Variants in HHIP observed in about 807,000 individuals in gnomAD.
HHIP encodes hedgehog interacting protein.
HHIP carries 12 observed loss-of-function variants against 74.0 expected under a neutral mutation model. The ratio of observed to expected loss-of-function variants is 0.16; its 90% confidence interval spans 0.10 to 0.26. The LOEUF (loss-of-function observed/expected upper bound fraction) is 0.26, where lower values mean the gene tolerates loss of function less well. Among genes scored for constraint, HHIP ranks in the 10% least tolerant of loss-of-function variants. The probability of loss-of-function intolerance (pLI) is 1.00; values close to 1 mark genes in which losing one functional copy is unlikely to be tolerated. For missense variants in HHIP, 788 were observed against 845.0 expected (o/e 0.93, Z 0.84); for synonymous variants, 309 against 311.6 (o/e 0.99, Z 0.09).
chr4:144,700,804 T>TA (rs1351730648), intron 4 of HHIP, among the ~76,000 whole-genome samples: 4 of 152,210 alleles, frequency 2.6e-5, no homozygotes, highest in African/African-American at 9.6e-5. Flanking sequence ...CAAATTAAGA[T>TA]AAAAAATTTA....
intron 1 of HHIP, among the ~76,000 whole-genome samples, chr4:144,647,814 G>A (rs569227960): frequency 1.3e-5 from 2 of 152,212 alleles, no homozygotes; most frequent in Admixed American, 6.5e-5. Context: ...ATCATTGCTG[G>A]CTCACATCAT....
Position 144,707,237 on chromosome 4 carries a change from T to C in HHIP, c.1134T>C (p.Asp378=), listed in dbSNP as rs747100737. 32 of 1,612,126 alleles carry C rather than the reference T, an allele frequency of 2.0e-5. 1 individual carries two copies. The highest frequency in any genetic ancestry group is 4.4e-5 in the South Asian group (4 of 90,652). The part of the protein sequence containing the change: ...ILGDGMITLD[D]MEEMDGLSDF... ...GTGATGGGATGATTACACTGGATGA[T>C]ATGGAAGAAATGGATGGGTTAAGGT... Residue 378 remains aspartate (D), a synonymous_variant, in exon 6 of 13, where the codon GAT becomes GAC. Transcript: ENST00000296575.
chr4:144,727,513 A>G (rs1248151087), intron 11 of HHIP, among the ~76,000 whole-genome samples: 2 of 152,120 alleles, frequency 1.3e-5, no homozygotes, highest in African/African-American at 2.4e-5. Flanking sequence ...CTATTTTTCT[A>G]TATTCACTGC....
intron 4 of HHIP, among the ~76,000 whole-genome samples, chr4:144,666,248 CGTGT>C (rs5862718): frequency 0.043 from 6,194 of 143,274 alleles, 249 homozygotes; most frequent in African/African-American, 0.1. Flanking sequence ...ATACTACAGT[CGTGT>C]GTGTGTGTGT....
At chr4:144,661,059 A>G (rs1728699496) in intron 4 of HHIP, among the ~76,000 whole-genome samples, 1 of 152,194 alleles carries the variant, frequency 6.6e-6, no homozygotes. Flanking sequence ...TATAGATGTA[A>G]GGAGGGCTCA....
At chr4:144,715,189 A>T in intron 9 of HHIP, 111 bp from the exon 10 acceptor site, 1 of 992,050 alleles carries the variant, frequency 1.0e-6, no homozygotes, top group South Asian at 1.6e-5. Flanking sequence ...TTTAGAAGCC[A>T]GGTCTATGGC....
At position 144,707,082 on chromosome 4, in the gene HHIP, T is replaced by C. The variant is rs1287258550; in HGVS notation, c.984-5T>C. ...TCATGGTATTGTTTTCTTCCCACAA[T>C]GTAGAAAAAATCCACACCAAGTTGA... On this transcript the variant is annotated splice_polypyrimidine_tract_variant and splice_region_variant and intron_variant, in intron 5 of 12. Transcript: ENST00000296575. 6.2e-7 allele frequency: 1 copy of C among 1,613,320 alleles called. No homozygotes were observed. Among genetic ancestry groups the C allele is most frequent in the Non-Finnish European group, 8.5e-7 (1 of 1,179,242 alleles).
intron 4 of HHIP, among the ~76,000 whole-genome samples, chr4:144,680,959 G>C (rs1729319235): frequency 6.6e-6 from 1 of 152,058 alleles, no homozygotes; most frequent in African/African-American, 2.4e-5. Flanking sequence ...TCTCTACCAA[G>C]GAATAGGAAC....
rs910919320 is a variant in HHIP, at chr4:144,740,963, GTC to G, written c.*3007_*3008del. ...CTACTACTGTTTCTGCCACACTGTT[GTC>G]CTGGTTCATAGAACCTTGTTTTCTT... On this transcript the variant is annotated 3_prime_UTR_variant, in exon 13 of 13. Transcript: ENST00000296575. 1.5e-4 allele frequency: 23 copies of G among 152,126 alleles called. No homozygotes were observed. Among genetic ancestry groups the G allele is most frequent in the African/African-American group, 4.6e-4 (19 of 41,414 alleles). 9.4% of individuals were successfully genotyped at this position (152,126 alleles called of 1,614,324 possible).
chr4:144,708,321 C>G lies in HHIP; in HGVS notation c.1301+10C>G, dbSNP rs1242129362. The stretch of plus-strand genomic sequence containing the variant: ...TCCACGATCCAGGCAGGTGAGAACA[C>G]AAGTCTGTCTTCTCACTGGCTTTTA... On this transcript the variant is annotated intron_variant, in intron 7 of 12. Transcript: ENST00000296575. 1 of 1,613,928 alleles carries G rather than the reference C, an allele frequency of 6.2e-7. No individual in the cohort carries two copies. Among genetic ancestry groups the G allele is most frequent in the South Asian group, 1.1e-5 (1 of 91,078 alleles).
intron 1 of HHIP, 103 bp from the exon 2 acceptor site, chr4:144,652,502 C>A: frequency 1.4e-6 from 1 of 704,726 alleles, no homozygotes; most frequent in Non-Finnish European, 2.4e-6. Context: ...ACTTCATTGG[C>A]TAAATTAGAC....
intron 7 of HHIP, among the ~76,000 whole-genome samples, chr4:144,710,383 C>A (rs1445980132): frequency 2.6e-5 from 4 of 152,128 alleles, no homozygotes; most frequent in African/African-American, 9.7e-5. Flanking sequence ...GGACTGTTGC[C>A]ACAGAACAAC....
chr4:144,715,533 T>A (rs1201338621), intron 10 of HHIP, 103 bp downstream of exon 10: 9 of 1,126,724 alleles, frequency 8.0e-6, no homozygotes, highest in East Asian at 2.5e-5. Context: ...CCTCTACTTG[T>A]TGGAAATGTA....
At position 144,737,982 on chromosome 4, in the gene HHIP, A is replaced by G. The variant is rs1181494986; in HGVS notation, c.*25A>G. ...GTTTCTGGGACTGTTTGAATATTCTATTCCAATGGGCATTTATTTTTTATC... is the reference window on the plus strand; with the variant it reads ...GTTTCTGGGACTGTTTGAATATTCTGTTCCAATGGGCATTTATTTTTTATC... On this transcript the variant is annotated 3_prime_UTR_variant, in exon 13 of 13. Coordinates refer to ENST00000296575, the MANE Select transcript of HHIP (RefSeq NM_022475.3). 6.7e-7 allele frequency: 1 copy of G among 1,487,390 alleles called. No individual in the cohort carries two copies. Among genetic ancestry groups the G allele is most frequent in the Admixed American group, 2.1e-5 (1 of 47,620 alleles). 92.1% of individuals were successfully genotyped at this position (1,487,390 alleles called of 1,614,324 possible).
chr4:144,743,412 C>G lies in HHIP; in HGVS notation c.*5455C>G, dbSNP rs1360567424. 1 of 151,872 alleles carries G rather than the reference C, an allele frequency of 6.6e-6. No homozygotes were observed. The highest frequency in any genetic ancestry group is 2.4e-5 in the African/African-American group (1 of 41,348). The allele number at this position is 151,872 out of a possible 1,614,324, so 9.4% of individuals were successfully genotyped here. A position where few individuals can be genotyped will look rare whatever the true frequency, so the allele number is the denominator to read the frequency against. On this transcript the variant is annotated 3_prime_UTR_variant, in exon 13 of 13. Coordinates refer to ENST00000296575, the MANE Select transcript of HHIP (RefSeq NM_022475.3). The stretch of plus-strand genomic sequence containing the variant: ...AATAAAAAAATAAATAATTGGATTC[C>G]TTGTATCAACAGAAAGCCTTGTGCT...
intron 3 of HHIP, among the ~76,000 whole-genome samples, chr4:144,659,202 A>C (rs781030298): frequency 1.8e-4 from 27 of 152,210 alleles, no homozygotes; most frequent in Non-Finnish European, 2.8e-4. Context: ...TTTAAGCCTG[A>C]ATTTTATGAT....
rs185703061 is a variant in HHIP, at chr4:144,679,658, G to A, written c.831+19820G>A. 1.6e-3 allele frequency among the ~76,000 whole-genome samples: 243 copies of A among 152,158 alleles called. 2 individuals carry two copies. The highest frequency in any genetic ancestry group is 0.015 in the South Asian group (73 of 4,818). Reference sequence around the variant, plus strand: ...CTTTCCCCATTGCTTGTTTTCATCCGGTTTGTCAAAGATCAGATAATTGTA... The same window carrying A: ...CTTTCCCCATTGCTTGTTTTCATCCAGTTTGTCAAAGATCAGATAATTGTA... On this transcript the variant is annotated intron_variant, in intron 4 of 12. Coordinates refer to ENST00000296575, the MANE Select transcript of HHIP (RefSeq NM_022475.3).
rs769255697 is a variant in HHIP, at chr4:144,714,314, T to C, written c.1513T>C (p.Leu505=). The change falls in exon 9 of 13, where the codon TTG becomes CTG. Residue 505 remains leucine, a synonymous_variant. Transcript: ENST00000296575. The part of the protein sequence containing the change: ...FVYRGCQSER[L]YGSYVFGDRN... ...ATACCGGGGCTGCCAGTCAGAAAGA[T>C]TGTATGGAAGCTACGTGTTTGGAGA... The C allele has an allele frequency of 1.4e-5, 23 of 1,613,318 alleles. No individual in the cohort carries two copies. The highest frequency in any genetic ancestry group is 4.4e-5 in the South Asian group (4 of 91,060).
intron 4 of HHIP, among the ~76,000 whole-genome samples, chr4:144,695,661 A>G (rs773799143): frequency 1.3e-5 from 2 of 151,840 alleles, no homozygotes; most frequent in Non-Finnish European, 2.9e-5. Flanking sequence ...ACTTTAGAGG[A>G]TAAATTTTAT....
Sources: gnomAD v4.1 joint callset for allele counts (sites outside exome capture counted in the v4.1 genomes callset) on GRCh38, gnomAD v4.1.1 for gene constraint, MANE v1.5 for transcripts, NCBI Gene and HGNC (gene_info 2026-07-23, HGNC 2026-07-21) for gene names.